Variants in HABP4 observed in about 807,000 individuals in gnomAD.
HABP4 encodes the protein hyaluronan binding protein 4, also known as intracellular hyaluronan-binding protein 4.
A neutral mutation model predicts 44.1 loss-of-function variants in HABP4; 32 were observed. That is an observed-to-expected ratio of 0.73 (90% CI 0.55 to 0.97). The LOEUF is 0.97. Ranked by LOEUF, HABP4 falls within the 50% of genes least tolerant of loss-of-function variation. HABP4 has a pLI of 0.00. For missense variants in HABP4, 503 were observed against 561.9 expected (o/e 0.90, Z 1.06); for synonymous variants, 216 against 218.0 (o/e 0.99, Z 0.08).
At chr9:96,470,541 T>A (rs1399653057) in intron 4 of HABP4, among the ~76,000 whole-genome samples, 1 of 152,188 alleles carries the variant, frequency 6.6e-6, no homozygotes. Context: ...TAATACTTAT[T>A]TAAATTGAAA....
At position 96,489,990 on chromosome 9, in the gene HABP4, T is replaced by G; in HGVS notation, c.1194T>G (p.Asp398Glu). ...TTTCTTTTTTTCTTTAGATGCAAGA[T>G]GTTGCCCCCAACCCAGATGACCCGG... is the stretch of plus-strand genomic sequence containing the variant. ...YGPRAEVVMQ[D>E]VAPNPDDPED... Residue 398 changes from aspartate to glutamate, a missense_variant, in exon 8 of 8, where the codon GAT becomes GAG. By Grantham distance (45) the Asp-to-Glu change is conservative. Around this residue, in one of 3 missense-constraint regions of HABP4, gnomAD observed 82 missense variants for 71.6 expected, o/e 1.15. Coordinates refer to ENST00000375249, the MANE Select transcript of HABP4 (RefSeq NM_014282.4). The G allele has an allele frequency of 6.3e-7, 1 of 1,589,230 alleles. No individual in the cohort carries two copies. Among genetic ancestry groups the G allele is most frequent in the Non-Finnish European group, 8.6e-7 (1 of 1,157,306 alleles).
In HABP4 at chr9:96,450,998, C is replaced by T. The variant is rs1564156061; in HGVS notation, c.349+370C>T. On this transcript the variant is annotated intron_variant, in intron 1 of 7. Coordinates refer to ENST00000375249, the MANE Select transcript of HABP4 (RefSeq NM_014282.4). The surrounding 1 kb of genome is among the most constrained non-coding windows in gnomAD (Gnocchi z 4.8). ...CGGGGACCTTCATCTTCCAGCCCAG[C>T]CTCTGCAAGATTGAGGTCGGAGCCA... 6.6e-6 allele frequency among the ~76,000 whole-genome samples: 1 copy of T among 152,102 alleles called. No individual in the cohort carries two copies. Among genetic ancestry groups the T allele is most frequent in the African/African-American group, 2.4e-5 (1 of 41,426 alleles).
At chr9:96,487,566 C>T (rs569547493) in intron 6 of HABP4, among the ~76,000 whole-genome samples, 1 of 152,194 alleles carries the variant, frequency 6.6e-6, no homozygotes, top group Non-Finnish European at 1.5e-5. Context: ...ATTTTTAGCA[C>T]ATGGTATTAT....
chr9:96,475,374 T>TCAA (rs1363531848), intron 5 of HABP4, among the ~76,000 whole-genome samples: 20 of 106,228 alleles, frequency 1.9e-4, no homozygotes, highest in African/African-American at 5.2e-4. Context: ...AGACTCCGTC[T>TCAA]CAACAACAAC....
At chr9:96,456,821 A>ATATATATC (rs1476155664) in intron 1 of HABP4, among the ~76,000 whole-genome samples, 8 of 123,684 alleles carry the variant, frequency 6.5e-5, no homozygotes, top group Non-Finnish European at 1.0e-4. Flanking sequence ...ATATATATAT[A>ATATATATC]TCCATTAACT....
rs563324267 is a variant in HABP4 at position 96,461,328 on chromosome 9, T to C, written c.512+2787T>C. On this transcript the variant is annotated intron_variant, in intron 2 of 7. Transcript: ENST00000375249. Reference sequence around the variant, plus strand: ...GGGGGAGGGTAAACATCTGAGGGATTTTTTTTTTCAGAACAGGAATTGATT... The same window carrying C: ...GGGGGAGGGTAAACATCTGAGGGATCTTTTTTTTCAGAACAGGAATTGATT... 2.0e-4 allele frequency among the ~76,000 whole-genome samples: 31 copies of C among 151,842 alleles called. 1 individual carries two copies. Among genetic ancestry groups the C allele is most frequent in the Non-Finnish European group, 1.9e-4 (13 of 67,906 alleles).
At chr9:96,455,518 C>T (rs565654219) in intron 1 of HABP4, among the ~76,000 whole-genome samples, 7 of 149,020 alleles carry the variant, frequency 4.7e-5, no homozygotes, top group African/African-American at 1.5e-4. Context: ...AATCCCACTA[C>T]TTTGGGAGGC....
intron 5 of HABP4, among the ~76,000 whole-genome samples, chr9:96,477,512 A>G (rs1832801044): frequency 6.6e-6 from 1 of 152,162 alleles, no homozygotes; most frequent in Non-Finnish European, 1.5e-5. Context: ...ACTCTTTTTT[A>G]ATAACATAAC....
intron 1 of HABP4, among the ~76,000 whole-genome samples, chr9:96,453,645 A>G (rs1031797840): frequency 6.6e-6 from 1 of 152,206 alleles, no homozygotes. Flanking sequence ...GCCTTTCAGA[A>G]TTATGTTCTT....
At chr9:96,484,720 T>C (rs1832940174) in intron 6 of HABP4, 87 bp downstream of exon 6, 1 of 752,868 alleles carries the variant, frequency 1.3e-6, no homozygotes, top group Non-Finnish European at 2.3e-6. Context: ...GTCTTGAAAA[T>C]GGAACATTAG....
At chr9:96,485,585 C>A (rs1467305999) in intron 6 of HABP4, among the ~76,000 whole-genome samples, 1 of 152,214 alleles carries the variant, frequency 6.6e-6, no homozygotes, top group Non-Finnish European at 1.5e-5. Flanking sequence ...ACGTCCAGCT[C>A]TTCTCAGAAG....
chr9:96,458,275 C>A, intron 1 of HABP4, 104 bp from the exon 2 acceptor site: 2 of 1,159,156 alleles, frequency 1.7e-6, no homozygotes, highest in Middle Eastern at 2.1e-4. Context: ...TCTCCTATGA[C>A]GTTGATTTCT....
chr9:96,450,242 G>T lies in HABP4; in HGVS notation c.-38G>T, dbSNP rs191766212. 2,783 of 1,358,540 alleles carry T rather than the reference G, an allele frequency of 2.0e-3. 38 individuals are homozygous for T. In the African/African-American group the frequency reaches 0.037, roughly 18 times the overall value. 84.2% of individuals were successfully genotyped at this position (1,358,540 alleles called of 1,614,324 possible). A position where few individuals can be genotyped will look rare whatever the true frequency, so the allele number is the denominator to read the frequency against. ...GCCGGCTTCGCTGAGACGCGCTCGC[G>T]TGGGCTGCCCTCCCGGGCCCGCAGT... On this transcript the variant is annotated 5_prime_UTR_variant, in exon 1 of 8. Coordinates refer to ENST00000375249, the MANE Select transcript of HABP4 (RefSeq NM_014282.4). The surrounding 1 kb of genome is among the most constrained non-coding windows in gnomAD (Gnocchi z 4.8).
rs1488337105 is a variant in HABP4 at position 96,488,127 on chromosome 9, C to T, written c.1038C>T (p.Phe346=). The T allele has an allele frequency of 1.2e-6, 2 of 1,613,618 alleles. No homozygotes were observed. Among genetic ancestry groups the T allele is most frequent in the Admixed American group, 1.7e-5 (1 of 60,026 alleles). Residue 346 remains phenylalanine, a synonymous_variant, in exon 7 of 8, where the codon TTC becomes TTT. Transcript: ENST00000375249. The surrounding 1 kb of genome is among the most constrained non-coding windows in gnomAD (Gnocchi z 4.6). ...KDDYEDDSHV[F]RKPANDITSQ... is the part of the protein sequence containing the mutation. The stretch of plus-strand genomic sequence containing the variant: ...ACTATGAGGACGATTCCCATGTTTT[C>T]CGGAAACCCGCCAATGACATCACAT...
chr9:96,452,035 G>A (rs1832291818), intron 1 of HABP4, among the ~76,000 whole-genome samples: 1 of 152,012 alleles, frequency 6.6e-6, no homozygotes, highest in Non-Finnish European at 1.5e-5. Flanking sequence ...AGACCATCCT[G>A]GCTAACACGG....
chr9:96,485,527 T>G (rs1244507492), intron 6 of HABP4, among the ~76,000 whole-genome samples: 1 of 152,142 alleles, frequency 6.6e-6, no homozygotes, highest in Non-Finnish European at 1.5e-5. Flanking sequence ...GCTGCAGGGG[T>G]TGCTCAGGGA....
chr9:96,455,457 C>CA (rs34929442), intron 1 of HABP4, among the ~76,000 whole-genome samples: 14,114 of 62,644 alleles, frequency 0.23, 1,485 homozygotes, highest in Non-Finnish European at 0.25. Context: ...GAGACTGTCT[C>CA]AAAAAAAAAA....
intron 4 of HABP4, among the ~76,000 whole-genome samples, chr9:96,469,486 C>T (rs1448067297): frequency 6.6e-6 from 1 of 152,072 alleles, no homozygotes; most frequent in Non-Finnish European, 1.5e-5. Flanking sequence ...TAGACATGGG[C>T]CCTGGGGTTA....
At chr9:96,453,850 G>A (rs1360981257) in intron 1 of HABP4, among the ~76,000 whole-genome samples, 1 of 152,162 alleles carries the variant, frequency 6.6e-6, no homozygotes, top group Non-Finnish European at 1.5e-5. Flanking sequence ...CCCAATTCAT[G>A]GCAGTGTTGA....
Sources: gnomAD v4.1 joint callset for allele counts (sites outside exome capture counted in the v4.1 genomes callset) on GRCh38, gnomAD v4.1.1 for gene constraint, gnomAD v4.1.1 regional missense constraint, Gnocchi (gnomAD v3.1) non-coding constraint, MANE v1.5 for transcripts, NCBI Gene and HGNC (gene_info 2026-07-23, HGNC 2026-07-21) for gene names.